The following PDE10A variants were observed in gnomAD, a reference collection of about 807,000 sequenced individuals.
PDE10A encodes the protein phosphodiesterase 10A.
PDE10A carries 39 observed loss-of-function variants against 97.7 expected under a neutral mutation model. The ratio of observed to expected loss-of-function variants is 0.40; its 90% confidence interval spans 0.31 to 0.52. The LOEUF (loss-of-function observed/expected upper bound fraction) is 0.52, where lower values mean the gene tolerates loss of function less well. PDE10A is among the 20% of genes least tolerant of loss of function. The pLI is 0.56. For missense variants in PDE10A, 731 were observed against 1,047.8 expected (o/e 0.70, Z 4.17); for synonymous variants, 371 against 376.8 (o/e 0.98, Z 0.18).
intron 10 of PDE10A, among the ~76,000 whole-genome samples, chr6:165,424,110 A>G (rs996243748): frequency 4.6e-5 from 7 of 152,022 alleles, no homozygotes; most frequent in Admixed American, 4.6e-4. Flanking sequence ...CCCAAAGTAG[A>G]ACCCTCTTTC....
At chr6:165,693,651 A>G (rs1791367775) in intron 1 of PDE10A, among the ~76,000 whole-genome samples, 1 of 152,152 alleles carries the variant, frequency 6.6e-6, no homozygotes, top group African/African-American at 2.4e-5. Context: ...AAAACCTACA[A>G]CTATTGTTTA....
At chr6:165,667,973 C>T (rs1477588541), upstream of PDE10A, among the ~76,000 whole-genome samples, 2 of 152,138 alleles carry the variant, frequency 1.3e-5, no homozygotes, top group Non-Finnish European at 2.9e-5. Context: ...TTGTAGAGTG[C>T]TGAAACAGTT....
chr6:165,573,779 C>A lies in PDE10A; in HGVS notation c.866-30211G>T, dbSNP rs1583568024. On this transcript the variant is annotated intron_variant, in intron 1 of 21. Coordinates refer to ENST00000539869, the MANE Select transcript of PDE10A (RefSeq NM_001385079.1). ...CAAGAAAAGCAATAAAAAAAAAATA[C>A]CTCAATAGCTGCTTTTTCAAACAAA... Among the ~76,000 whole-genome samples, 5 of 152,152 alleles carry A rather than the reference C, an allele frequency of 3.3e-5. 1 individual carries two copies. The highest frequency in any genetic ancestry group is 2.4e-5 in the African/African-American group (1 of 41,506).
At position 165,958,563 on chromosome 6, in the gene PDE10A, A is replaced by C. The variant is rs28556274; in HGVS notation, c.-615+28966T>G. Among the ~76,000 whole-genome samples the C allele has an allele frequency of 5.9e-3, 90 of 15,280 alleles. 2 individuals are homozygous for C. Among genetic ancestry groups the C allele is most frequent in the Non-Finnish European group, 0.011 (72 of 6,268 alleles). 10.0% of individuals were successfully genotyped at this position (15,280 alleles called of 152,430 possible). The stretch of plus-strand genomic sequence containing the variant: ...AAAGAAAGAAAGAAAGAAAGAAAGA[A>C]AGACAGACAGAAAGAAAGACAGAAA... On this transcript the variant is annotated intron_variant, in intron 1 of 19. Transcript: ENST00000366882.
chr6:165,386,947 C>T (rs770771386), intron 17 of PDE10A, among the ~76,000 whole-genome samples: 12 of 151,824 alleles, frequency 7.9e-5, no homozygotes, highest in Non-Finnish European at 1.2e-4. Context: ...ATCCAGGAGG[C>T]GGGGCGTGCA....
intron 3 of PDE10A, among the ~76,000 whole-genome samples, chr6:165,468,871 C>T (rs999778311): frequency 6.6e-5 from 10 of 152,256 alleles, no homozygotes; most frequent in African/African-American, 1.4e-4. Context: ...AACCTTTAAA[C>T]GGCCCTTGAA....
intron 1 of PDE10A, among the ~76,000 whole-genome samples, chr6:165,910,097 T>C (rs1408016587): frequency 6.6e-6 from 1 of 152,210 alleles, no homozygotes; most frequent in Non-Finnish European, 1.5e-5. Context: ...CCCCAGTGCC[T>C]AGAATAGTGC....
At chr6:165,732,437 G>T (rs545086719) in intron 1 of PDE10A, among the ~76,000 whole-genome samples, 68 of 152,334 alleles carry the variant, frequency 4.5e-4, no homozygotes, top group African/African-American at 1.6e-3. Context: ...CGTGGTCACA[G>T]ATCTTTTCCT....
At chr6:165,465,083 C>A (rs1262036049) in intron 3 of PDE10A, among the ~76,000 whole-genome samples, 1 of 152,136 alleles carries the variant, frequency 6.6e-6, no homozygotes, top group African/African-American at 2.4e-5. Flanking sequence ...GAAGTTACCC[C>A]CCTTTTTTCA....
intron 1 of PDE10A, among the ~76,000 whole-genome samples, chr6:165,617,196 G>A (rs970719967): frequency 1.3e-5 from 2 of 152,136 alleles, no homozygotes; most frequent in African/African-American, 4.8e-5. Flanking sequence ...CTTAGCGAAG[G>A]AAGAGTTACT....
rs1458854263 is a variant in PDE10A at position 165,387,523 on chromosome 6, T to C, written c.2610+775A>G. 3.3e-5 allele frequency among the ~76,000 whole-genome samples: 5 copies of C among 152,230 alleles called. No homozygotes were observed. The East Asian group carries it at 9.6e-4, about 29-fold the overall frequency. Reference sequence around the variant, plus strand: ...GGCAAAAGCTTTTCTGCTTCGCAACTTGCCTATGGCCAGTTACTGGCAGAG... The same window carrying C: ...GGCAAAAGCTTTTCTGCTTCGCAACCTGCCTATGGCCAGTTACTGGCAGAG... On this transcript the variant is annotated intron_variant, in intron 17 of 21. Transcript: ENST00000539869.
At chr6:165,395,122 A>C in intron 15 of PDE10A, 59 bp downstream of exon 15, 1 of 1,014,374 alleles carries the variant, frequency 9.9e-7, no homozygotes, top group Non-Finnish European at 1.6e-6. Flanking sequence ...TATATGTAGA[A>C]GGAGGAAGAG....
At chr6:165,342,668 C>G (rs1487177655) in intron 19 of PDE10A, among the ~76,000 whole-genome samples, 1 of 152,118 alleles carries the variant, frequency 6.6e-6, no homozygotes, top group Non-Finnish European at 1.5e-5. Flanking sequence ...TTATTCAAAC[C>G]AGAAGAGGTA....
chr6:165,469,514 G>T (rs1778862408), intron 3 of PDE10A, among the ~76,000 whole-genome samples: 1 of 152,156 alleles, frequency 6.6e-6, no homozygotes, highest in Non-Finnish European at 1.5e-5. Flanking sequence ...TTTCTCTCCG[G>T]TTTTCACAAA....
At chr6:165,452,317 T>C (rs1425623031) in intron 3 of PDE10A, among the ~76,000 whole-genome samples, 1 of 152,238 alleles carries the variant, frequency 6.6e-6, no homozygotes, top group Non-Finnish European at 1.5e-5. Flanking sequence ...AGGAATTTGG[T>C]CACAGAAATA....
chr6:165,425,336 C>T (rs1325292018), intron 10 of PDE10A, among the ~76,000 whole-genome samples: 1 of 152,068 alleles, frequency 6.6e-6, no homozygotes, highest in East Asian at 1.9e-4. Flanking sequence ...ATATAAATTA[C>T]ACACCATAAT....
chr6:165,718,730 G>A (rs981680817), intron 1 of PDE10A, among the ~76,000 whole-genome samples: 2 of 152,068 alleles, frequency 1.3e-5, no homozygotes, highest in Non-Finnish European at 2.9e-5. Context: ...TTGAAGTTTA[G>A]GGAGTCATCC....
chr6:165,413,845 A>T (rs1583234950), intron 12 of PDE10A, among the ~76,000 whole-genome samples, 158 bp from the exon 13 acceptor site: 1 of 152,250 alleles, frequency 6.6e-6, no homozygotes, highest in Admixed American at 6.5e-5. Flanking sequence ...CAGGGACAGT[A>T]ACATTCCACA....
chr6:165,844,457 C>T (rs1362307206), intron 1 of PDE10A, among the ~76,000 whole-genome samples: 1 of 152,136 alleles, frequency 6.6e-6, no homozygotes, highest in Non-Finnish European at 1.5e-5. Context: ...ATAGGGAGCA[C>T]CTAAGGTGTT....
Sources: allele counts gnomAD v4.1 joint callset (sites outside exome capture counted in the v4.1 genomes callset), GRCh38; gene constraint gnomAD v4.1.1; transcripts MANE v1.5; gene names NCBI Gene and HGNC (gene_info 2026-07-23, HGNC 2026-07-21).